The following INTS15 variants were observed in gnomAD, a reference collection of about 807,000 sequenced individuals.
The protein encoded by INTS15 is uncharacterized protein C7orf26.
chr7:6,592,840 G>C, the INTS15 span, among the ~76,000 whole-genome samples: 2 of 151,982 alleles, frequency 1.3e-5, no homozygotes, highest in African/African-American at 4.8e-5. Context: ...GAACTCCTGA[G>C]GTCAAGCGAT....
chr7:6,607,021 A>G, the INTS15 span, among the ~76,000 whole-genome samples: 2 of 151,802 alleles, frequency 1.3e-5, no homozygotes, highest in African/African-American at 4.8e-5. This position sits in a 1 kb window ranked among gnomAD's most constrained non-coding sequence, Gnocchi z 6.0. Flanking sequence ...GACTGGGGAG[A>G]ACCCATGGGG....
the INTS15 span, chr7:6,594,526 A>C: frequency 6.2e-7 from 1 of 1,614,184 alleles, no homozygotes; most frequent in South Asian, 1.1e-5. Flanking sequence ...ACGCTGAAGC[A>C]GATATTCAGT....
chr7:6,590,439 G>A, the INTS15 span: 3 of 1,599,846 alleles, frequency 1.9e-6, no homozygotes, highest in Admixed American at 3.4e-5. Flanking sequence ...AGGAGTTCGT[G>A]TTCCAGGTGC....
chr7:6,600,099 A>T, the INTS15 span: 1 of 1,614,082 alleles, frequency 6.2e-7, no homozygotes, highest in Non-Finnish European at 8.5e-7. Context: ...AGAGACTCCC[A>T]CCTCTTGTAC....
At chr7:6,603,479 G>A in the INTS15 span, among the ~76,000 whole-genome samples, 8 of 150,664 alleles carry the variant, frequency 5.3e-5, no homozygotes, top group Middle Eastern at 7.3e-3. Flanking sequence ...CCTAGGAGGC[G>A]GAGTTTGCAG....
chr7:6,591,199 G>T, the INTS15 span, among the ~76,000 whole-genome samples: 1 of 151,574 alleles, frequency 6.6e-6, no homozygotes, highest in Middle Eastern at 3.2e-3. Flanking sequence ...TACGAAGGGC[G>T]AAAAGTTCTA....
At chr7:6,598,786 T>TGTGTGTGTGTGTG in the INTS15 span, among the ~76,000 whole-genome samples, 25 of 66,154 alleles carry the variant, frequency 3.8e-4, no homozygotes, top group African/African-American at 1.1e-3. Context: ...TGTGTGTGTG[T>TGTGTGTGTGTGTG]ATTTTTTTTT....
chr7:6,599,971 T>C, the INTS15 span: 5 of 1,614,172 alleles, frequency 3.1e-6, no homozygotes, highest in Non-Finnish European at 4.2e-6. Context: ...CCCCGCTCGT[T>C]GGATTGATCC....
chr7:6,608,566 C>T, the INTS15 span: 11 of 1,080,832 alleles, frequency 1.0e-5, no homozygotes, highest in African/African-American at 1.2e-4. Context: ...TCTGCAGCCC[C>T]GTGAGCTGAG....
At chr7:6,608,017 C>A in the INTS15 span, 2 of 1,600,312 alleles carry the variant, frequency 1.2e-6, no homozygotes, top group Non-Finnish European at 1.7e-6. Context: ...CCGCGCTCCC[C>A]CCGGGGTTCT....
chr7:6,606,264 C>G, the INTS15 span, among the ~76,000 whole-genome samples: 1,566 of 152,338 alleles, frequency 0.01, 28 homozygotes, highest in African/African-American at 0.035. Flanking sequence ...CAGCCCTCCA[C>G]ATACCCTCTG....
the INTS15 span, among the ~76,000 whole-genome samples, chr7:6,598,484 AAG>A: frequency 6.6e-6 from 1 of 150,726 alleles, no homozygotes; most frequent in Non-Finnish European, 1.5e-5. Context: ...AAAAAAAAAA[AAG>A]GCACACAGGA....
the INTS15 span, among the ~76,000 whole-genome samples, chr7:6,592,337 G>A: frequency 1.3e-5 from 2 of 151,592 alleles, no homozygotes; most frequent in Non-Finnish European, 2.9e-5. Context: ...AGGCCGAAGG[G>A]GGGCAGATCA....
At chr7:6,601,960 A>T in the INTS15 span, 3 of 760,764 alleles carry the variant, frequency 3.9e-6, no homozygotes, top group Non-Finnish European at 6.7e-6. Flanking sequence ...CCCGGCTAGA[A>T]CTCAGTTTCT....
chr7:6,597,299 GT>G, the INTS15 span, among the ~76,000 whole-genome samples: 286 of 142,874 alleles, frequency 2.0e-3, 1 homozygote, highest in African/African-American at 4.7e-3. Context: ...TGGCTTTTTG[GT>G]TTTTTTTTTT....
At chr7:6,590,227 C>A in the INTS15 span, 4 of 1,402,900 alleles carry the variant, frequency 2.9e-6, no homozygotes, top group Non-Finnish European at 3.7e-6. Flanking sequence ...GCGGCGCAGT[C>A]CCGGGCCCCG....
the INTS15 span, chr7:6,600,423 G>C: frequency 1.4e-6 from 2 of 1,458,598 alleles, no homozygotes; most frequent in Admixed American, 2.3e-5. Flanking sequence ...GGAAGGAGGG[G>C]CTCCTGGACA....
At chr7:6,602,084 T>C in the INTS15 span, 2 of 1,611,668 alleles carry the variant, frequency 1.2e-6, no homozygotes, top group Non-Finnish European at 1.7e-6. Context: ...ATTAATCTTG[T>C]ATCTCCTTAA....
the INTS15 span, chr7:6,607,926 C>A: frequency 6.3e-7 from 1 of 1,595,960 alleles, no homozygotes; most frequent in Non-Finnish European, 8.5e-7. The surrounding 1 kb of genome is among the most constrained non-coding windows in gnomAD (Gnocchi z 6.0). Context: ...TCCCCGGAGC[C>A]CGCCCGCGCT....
Sources: gnomAD v4.1 joint callset for allele counts (sites outside exome capture counted in the v4.1 genomes callset) on GRCh38, gnomAD v4.1.1 for gene constraint, Gnocchi (gnomAD v3.1) non-coding constraint, MANE v1.5 for transcripts, NCBI Gene and HGNC (gene_info 2026-07-23, HGNC 2026-07-21) for gene names.